Variants in PMS2 observed in about 807,000 individuals in gnomAD.
The protein encoded by PMS2 is PMS1 homolog 2, mismatch repair system component.
In PMS2, 69 loss-of-function variants were observed where a neutral mutation model predicts 90.0. The observed-to-expected ratio is 0.77, with a 90% CI of 0.63 to 0.94. The LOEUF (loss-of-function observed/expected upper bound fraction) is 0.94. Among genes scored for constraint, PMS2 ranks in the 40% least tolerant of loss-of-function variants. PMS2 has a pLI of 0.00. For synonymous variants in PMS2, 332 were observed against 375.1 expected, an observed-to-expected ratio of 0.89 and a Z score of 1.33; for missense variants, 966 against 1,040.2, an observed-to-expected ratio of 0.93 and a Z score of 0.98.
At chr7:5,999,620 GTC>G (rs920315122) in intron 5 of PMS2, among the ~76,000 whole-genome samples, 4 of 150,744 alleles carry the variant, frequency 2.7e-5, no homozygotes, top group Non-Finnish European at 5.9e-5. Context: ...GCAAGACCCT[GTC>G]TCTACAAAAA....
intron 12 of PMS2, among the ~76,000 whole-genome samples, chr7:5,979,463 C>A (rs1275387540): frequency 6.7e-6 from 1 of 149,708 alleles, no homozygotes; most frequent in African/African-American, 2.5e-5. Context: ...CCAATGACTC[C>A]CACTTTTTCT....
At chr7:5,978,217 T>C (rs1375858874) in intron 13 of PMS2, among the ~76,000 whole-genome samples, 1 of 150,594 alleles carries the variant, frequency 6.6e-6, no homozygotes, top group Non-Finnish European at 1.5e-5. Context: ...AAAACTGGTC[T>C]ATATGACCTG....
chr7:5,984,763 C>A (rs536790715), intron 11 of PMS2, among the ~76,000 whole-genome samples: 1 of 151,182 alleles, frequency 6.6e-6, no homozygotes, highest in African/African-American at 2.5e-5. Context: ...CCAGCCTGGG[C>A]GAAAGAGTGA....
intron 5 of PMS2, among the ~76,000 whole-genome samples, chr7:6,001,280 CACA>C (rs1442901871): frequency 2.0e-5 from 3 of 152,126 alleles, no homozygotes; most frequent in African/African-American, 4.8e-5. Flanking sequence ...GCTTTTTAAA[CACA>C]ACGACTATAT....
intron 10 of PMS2, among the ~76,000 whole-genome samples, chr7:5,989,238 C>T (rs1175079343): frequency 6.6e-6 from 1 of 152,036 alleles, no homozygotes; most frequent in East Asian, 1.9e-4. Flanking sequence ...TGAGACCAGC[C>T]TGGGCATCAT....
chr7:5,993,634 G>T (rs1235977147), intron 8 of PMS2, among the ~76,000 whole-genome samples: 1 of 150,630 alleles, frequency 6.6e-6, no homozygotes, highest in Non-Finnish European at 1.5e-5. Context: ...AGACAGAGGC[G>T]GGTGGATCAC....
intron 4 of PMS2, 74 bp downstream of exon 4, chr7:6,003,616 T>C (rs1051713404): frequency 1.2e-5 from 10 of 827,778 alleles, no homozygotes; most frequent in Non-Finnish European, 1.8e-5. Flanking sequence ...AAACTGAAAA[T>C]AATAATGATT....
rs141202232 is a variant in PMS2, at chr7:5,998,225, G to A, written c.706-802C>T. Among the ~76,000 whole-genome samples the A allele has an allele frequency of 5.2e-3, 794 of 151,480 alleles. 2 individuals carry two copies. The highest frequency in any genetic ancestry group is 0.037 in the Middle Eastern group (11 of 294). ...GCCTCCTGAGTAGCTGGGATTACAG[G>A]TGCCTGCCACCACGAACAGATAATT... On this transcript the variant is annotated intron_variant, in intron 6 of 14. Transcript: ENST00000265849.
chr7:5,983,805 C>A (rs1487001395), intron 11 of PMS2, among the ~76,000 whole-genome samples: 2 of 151,626 alleles, frequency 1.3e-5, no homozygotes, highest in Non-Finnish European at 1.5e-5. Flanking sequence ...GCATGCACCG[C>A]CAAGCCCGGC....
chr7:6,008,946 T>G (rs1357570485), intron 1 of PMS2, 51 bp downstream of exon 1: 45 of 1,609,896 alleles, frequency 2.8e-5, no homozygotes, highest in Non-Finnish European at 3.7e-5. Context: ...GCCGTGGGTC[T>G]CAAAGAGGGC....
At chr7:5,983,633 T>C (rs1356243201) in intron 11 of PMS2, among the ~76,000 whole-genome samples, 1 of 151,614 alleles carries the variant, frequency 6.6e-6, no homozygotes, top group Non-Finnish European at 1.5e-5. Context: ...TACACATAGA[T>C]CTACTTCATT....
At position 5,997,443 on chromosome 7, in the gene PMS2, AT is replaced by A. The variant is rs780234256; in HGVS notation, c.706-21del. The A allele has an allele frequency of 2.0e-5, 22 of 1,101,248 alleles. No homozygotes were observed. Among genetic ancestry groups the A allele is most frequent in the Non-Finnish European group, 2.7e-5 (20 of 735,434 alleles). 68.2% of individuals were successfully genotyped at this position (1,101,248 alleles called of 1,614,324 possible). On this transcript the variant is annotated intron_variant, in intron 6 of 14. Coordinates refer to ENST00000265849, the MANE Select transcript of PMS2 (RefSeq NM_000535.7). ...TTGCAACTGAAAAAAAAAAAAAAAA[AT>A]TCACAGTTACTTCCTAATAAAGACA...
In PMS2 at chr7:5,987,252, C is replaced by A. The variant is rs1554297662; in HGVS notation, c.1513G>T (p.Gly505Trp). 2 of 1,614,138 alleles carry A rather than the reference C, an allele frequency of 1.2e-6. No homozygotes were observed. Among genetic ancestry groups the A allele is most frequent in the South Asian group, 2.2e-5 (2 of 91,084 alleles). The change falls in exon 11 of 15, where the codon GGG becomes TGG. Residue 505 changes from glycine to tryptophan, a missense_variant. By Grantham distance (184) the Gly-to-Trp change is radical. This residue lies in a region of PMS2 where 871 missense variants were observed against 802.4 expected (regional missense o/e 1.09). Transcript: ENST00000265849. ...CTGCCCGTGTCTGGGATGCTGAACC[C>A]CTCAGAATCCACGGAAGTGCTGCCG... ...GHGSTSVDSE[G>W]FSIPDTGSHC... is the part of the protein sequence containing the mutation.
chr7:5,979,452 G>A (rs1352839571), intron 12 of PMS2, among the ~76,000 whole-genome samples: 2 of 148,192 alleles, frequency 1.3e-5, no homozygotes, highest in South Asian at 2.2e-4. Context: ...AGCCTGCCAC[G>A]CCAATGACTC....
intron 1 of PMS2, among the ~76,000 whole-genome samples, chr7:6,008,469 G>T (rs1169393958): frequency 1.3e-5 from 2 of 152,090 alleles, no homozygotes; most frequent in African/African-American, 2.4e-5. Context: ...TTTTAAAAAG[G>T]CCAGGCACGG....
At chr7:5,987,918 G>A (rs1291675543) in intron 10 of PMS2, among the ~76,000 whole-genome samples, 2 of 151,808 alleles carry the variant, frequency 1.3e-5, no homozygotes, top group African/African-American at 4.8e-5. Context: ...AGCCGGGTGT[G>A]GTGGCATATC....
rs1299386977 is a variant in PMS2 at position 5,977,978 on chromosome 7, G to C, written c.2276-221C>G. On this transcript the variant is annotated intron_variant, in intron 13 of 14. Transcript: ENST00000265849. ...ACTAAAAAATAGAAAAAATTAGCTG[G>C]GTGTGGTGGCAGGCACCTGTAGTCC... Among the ~76,000 whole-genome samples the C allele has an allele frequency of 1.1e-4, 17 of 150,156 alleles. 1 individual carries two copies. The highest frequency in any genetic ancestry group is 4.2e-4 in the African/African-American group (17 of 40,822).
At chr7:5,988,742 G>C (rs1480326368) in intron 10 of PMS2, among the ~76,000 whole-genome samples, 1 of 152,144 alleles carries the variant, frequency 6.6e-6, no homozygotes. Flanking sequence ...CACATGACTT[G>C]GGTGAATCTC....
At chr7:6,006,470 G>A (rs71541533) in intron 1 of PMS2, among the ~76,000 whole-genome samples, 8 of 152,074 alleles carry the variant, frequency 5.3e-5, no homozygotes, top group African/African-American at 1.9e-4. Flanking sequence ...TGGCCAACAC[G>A]GTGAAACCCC....
Sources: allele counts gnomAD v4.1 joint callset (sites outside exome capture counted in the v4.1 genomes callset), GRCh38; gene constraint gnomAD v4.1.1; regional missense constraint gnomAD v4.1.1; transcripts MANE v1.5; gene names NCBI Gene and HGNC (gene_info 2026-07-23, HGNC 2026-07-21).